The following DIAPH3 variants were observed in gnomAD, a reference collection of about 807,000 sequenced individuals.
DIAPH3 encodes diaphanous related formin 3, also known as protein diaphanous homolog 3.
In DIAPH3, 117 loss-of-function variants were observed where a neutral mutation model predicts 144.3. That is an observed-to-expected ratio of 0.81 (90% CI 0.70 to 0.95). DIAPH3 has a LOEUF of 0.95. Ranked by LOEUF, DIAPH3 falls within the 40% of genes least tolerant of loss-of-function variation. The probability of loss-of-function intolerance (pLI) is 0.00; values close to 1 mark genes in which losing one functional copy is unlikely to be tolerated. For missense variants in DIAPH3, 1,421 were observed against 1,412.7 expected (o/e 1.01, Z -0.09); for synonymous variants, 519 against 488.9 (o/e 1.06, Z -0.81).
chr13:59,967,062 T>G (rs2050087940), intron 17 of DIAPH3, among the ~76,000 whole-genome samples: 1 of 151,822 alleles, frequency 6.6e-6, no homozygotes. Flanking sequence ...TGTTTTTGTT[T>G]TTTTGTTTTT....
At chr13:59,700,057 C>T (rs957531456) in intron 27 of DIAPH3, among the ~76,000 whole-genome samples, 3 of 152,192 alleles carry the variant, frequency 2.0e-5, no homozygotes, top group Non-Finnish European at 2.9e-5. Flanking sequence ...AAATTCCTCA[C>T]GTCTGAATGG....
chr13:60,039,467 A>T (rs1034527997), intron 5 of DIAPH3, among the ~76,000 whole-genome samples: 1 of 151,812 alleles, frequency 6.6e-6, no homozygotes. Context: ...CCATGCCCAG[A>T]TAATTTTTGT....
At chr13:59,832,304 T>C (rs544475057) in intron 24 of DIAPH3, among the ~76,000 whole-genome samples, 170 of 151,942 alleles carry the variant, frequency 1.1e-3, no homozygotes, top group Non-Finnish European at 2.0e-3. Context: ...ACTAAATAAT[T>C]ATAACCAAGT....
At chr13:59,689,455 A>G (rs1335101425) in intron 27 of DIAPH3, among the ~76,000 whole-genome samples, 1 of 152,108 alleles carries the variant, frequency 6.6e-6, no homozygotes, top group Non-Finnish European at 1.5e-5. Context: ...ATCAGCAAAC[A>G]GATGGCTCCT....
intron 2 of DIAPH3, among the ~76,000 whole-genome samples, chr13:60,131,738 T>C (rs1335503718): frequency 6.6e-6 from 1 of 152,234 alleles, no homozygotes; most frequent in African/African-American, 2.4e-5. Flanking sequence ...ACAATTCTTC[T>C]GAACAGATCA....
intron 20 of DIAPH3, among the ~76,000 whole-genome samples, chr13:59,886,739 T>G (rs966784483): frequency 6.6e-6 from 1 of 152,108 alleles, no homozygotes; most frequent in African/African-American, 2.4e-5. Context: ...AATACTATTT[T>G]AATTACATTT....
At chr13:59,716,490 A>T (rs576088221) in intron 27 of DIAPH3, among the ~76,000 whole-genome samples, 16 of 152,268 alleles carry the variant, frequency 1.1e-4, no homozygotes, top group South Asian at 6.2e-4. Context: ...AAACATTTTT[A>T]AAAAAAGAGA....
intron 1 of DIAPH3, among the ~76,000 whole-genome samples, chr13:60,138,315 C>T (rs1043852740): frequency 9.9e-5 from 15 of 152,158 alleles, no homozygotes; most frequent in Non-Finnish European, 2.1e-4. Context: ...CCCAGGACCA[C>T]GTGAGAAACC....
chr13:59,717,549 T>C (rs1158379135), intron 27 of DIAPH3, among the ~76,000 whole-genome samples: 3 of 152,212 alleles, frequency 2.0e-5, no homozygotes, highest in African/African-American at 7.2e-5. Context: ...TTGGGATAAG[T>C]CTTACTTTCT....
At chr13:59,682,848 T>A (rs746582855) in intron 27 of DIAPH3, among the ~76,000 whole-genome samples, 1 of 152,214 alleles carries the variant, frequency 6.6e-6, no homozygotes, top group Non-Finnish European at 1.5e-5. Flanking sequence ...CCTGGTGTTG[T>A]AGTTTTTTGT....
At chr13:59,878,793 AT>A (rs2044800527) in intron 21 of DIAPH3, among the ~76,000 whole-genome samples, 1 of 151,976 alleles carries the variant, frequency 6.6e-6, no homozygotes, top group African/African-American at 2.4e-5. Flanking sequence ...AAGGGGTCCC[AT>A]TTTTCTCTCC....
intron 21 of DIAPH3, 86 bp downstream of exon 21, chr13:59,879,143 A>G (rs2044827315): frequency 1.9e-6 from 3 of 1,567,646 alleles, no homozygotes; most frequent in South Asian, 2.3e-5. Context: ...ACATCAAAAT[A>G]AAAAAATATT....
chr13:59,879,642 CAG>C (rs1395859744), intron 20 of DIAPH3, among the ~76,000 whole-genome samples, 174 bp from the exon 21 acceptor site: 1 of 152,016 alleles, frequency 6.6e-6, no homozygotes, highest in Admixed American at 6.6e-5. Context: ...GTAAGGAATC[CAG>C]AGTCATCCCT....
chr13:59,965,570 A>G (rs185376114), intron 17 of DIAPH3, among the ~76,000 whole-genome samples: 3 of 152,008 alleles, frequency 2.0e-5, no homozygotes, highest in Admixed American at 1.3e-4. Context: ...ATAGGTCATT[A>G]GCATTATTTT....
chr13:59,998,220 T>C (rs2052320867), intron 9 of DIAPH3, among the ~76,000 whole-genome samples: 1 of 152,172 alleles, frequency 6.6e-6, no homozygotes, highest in Non-Finnish European at 1.5e-5. Context: ...CTATAATTTA[T>C]ACCAGGGATA....
chr13:59,991,593 G>A (rs576974707), intron 11 of DIAPH3, among the ~76,000 whole-genome samples: 4 of 151,914 alleles, frequency 2.6e-5, no homozygotes, highest in Non-Finnish European at 5.9e-5. Context: ...CTGACCAACA[G>A]AGCTGGTGGT....
intron 3 of DIAPH3, among the ~76,000 whole-genome samples, chr13:60,097,141 TGACAA>T (rs1403987961): frequency 6.6e-6 from 1 of 152,212 alleles, no homozygotes; most frequent in Non-Finnish European, 1.5e-5. Flanking sequence ...CTCGCCTTCC[TGACAA>T]AAGTATGATG....
chr13:59,674,966 T>C (rs944475017), intron 27 of DIAPH3, among the ~76,000 whole-genome samples: 7 of 152,216 alleles, frequency 4.6e-5, no homozygotes, highest in Non-Finnish European at 1.5e-5. Context: ...TGGTGGTTCA[T>C]AAGGGAAAGG....
chr13:59,671,720 ATACT>A (rs2032385357), intron 27 of DIAPH3, among the ~76,000 whole-genome samples: 1 of 152,228 alleles, frequency 6.6e-6, no homozygotes, highest in African/African-American at 2.4e-5. Context: ...TAAGATAGGA[ATACT>A]TACTCATTTC....
Sources: allele counts gnomAD v4.1 joint callset (sites outside exome capture counted in the v4.1 genomes callset), GRCh38; gene constraint gnomAD v4.1.1; transcripts MANE v1.5; gene names NCBI Gene and HGNC (gene_info 2026-07-23, HGNC 2026-07-21).